The following USP54 variants were observed in gnomAD, a reference collection of about 807,000 sequenced individuals.
USP54 encodes ubiquitin carboxyl-terminal hydrolase 54.
Under a neutral mutation model 170.5 loss-of-function variants are expected in USP54, and 87 were observed. The ratio of observed to expected loss-of-function variants is 0.51; its 90% CI spans 0.43 to 0.61. The LOEUF is 0.61. Among genes scored for constraint, USP54 ranks in the 20% least tolerant of loss-of-function variants. USP54 has a pLI of 0.00. For missense variants in USP54, 1,786 were observed against 2,047.8 expected (o/e 0.87, Z 2.47); for synonymous variants, 655 against 742.8 (o/e 0.88, Z 1.92).
rs1217448133 is a variant in USP54, at chr10:73,523,876, ATTAT to A, written c.2195-130_2195-127del. The A allele has an allele frequency of 3.0e-5, 6 of 200,724 alleles. No homozygotes were observed. In the African/African-American group the frequency reaches 3.4e-4, roughly 11 times the overall value. 12.4% of individuals were successfully genotyped at this position (200,724 alleles called of 1,614,324 possible). On this transcript the variant is annotated intron_variant, in intron 16 of 23. Coordinates refer to ENST00000687698, the MANE Select transcript of USP54 (RefSeq NM_001391956.1). ...CTTTCAATTTGGAGTTTATTTATTT[ATTAT>A]TTATTATTATTATTATTATTATTAT...
Position 73,516,671 on chromosome 10 carries a change from G to A in USP54, c.3755C>T (p.Thr1252Ile), listed in dbSNP as rs1181523487. Residue 1252 changes from threonine to isoleucine, a missense_variant, in exon 20 of 24, where the codon ACT becomes ATT. By Grantham distance (89) the Thr-to-Ile change is moderately conservative. Transcript: ENST00000687698. ...CAAAGGCAAGGAAGTCCCCAAGTCA[G>A]TACTGCTGCCCAGATCCTTAGACCT... is the stretch of plus-strand genomic sequence containing the variant. ...DVRSKDLGSS[T>I]DLGTSLPLDS... 2.5e-6 allele frequency: 4 copies of A among 1,614,088 alleles called. No homozygotes were observed. Among genetic ancestry groups the A allele is most frequent in the Admixed American group, 3.3e-5 (2 of 60,008 alleles).
chr10:73,561,439 A>G (rs1262851833), intron 4 of USP54, among the ~76,000 whole-genome samples: 1 of 152,190 alleles, frequency 6.6e-6, no homozygotes, highest in African/African-American at 2.4e-5. Flanking sequence ...AGCCTGGACA[A>G]CATAGCAAGA....
intron 15 of USP54, 166 bp downstream of exon 15, chr10:73,529,514 T>C (rs1393367222): frequency 3.9e-6 from 3 of 761,444 alleles, no homozygotes; most frequent in Non-Finnish European, 6.9e-6. Context: ...CTCAAGTGCC[T>C]CTGTTCTTCC....
intron 22 of USP54, among the ~76,000 whole-genome samples, chr10:73,502,879 A>T (rs1462306572): frequency 6.6e-6 from 1 of 152,102 alleles, no homozygotes; most frequent in Non-Finnish European, 1.5e-5. Flanking sequence ...ACCTCCACTC[A>T]AGCTTAATAT....
intron 20 of USP54, among the ~76,000 whole-genome samples, chr10:73,510,699 T>A (rs1006966509): frequency 1.5e-4 from 23 of 152,274 alleles, no homozygotes; most frequent in Middle Eastern, 3.4e-3. Context: ...TCCATCCACT[T>A]TGGCCTCCCA....
At chr10:73,545,495 C>A in intron 5 of USP54, 43 bp downstream of exon 5, 1 of 1,604,156 alleles carries the variant, frequency 6.2e-7, no homozygotes, top group Non-Finnish European at 8.5e-7. Flanking sequence ...AGACCATCAG[C>A]AGTCCCACCC....
intron 1 of USP54, among the ~76,000 whole-genome samples, chr10:73,609,842 C>T (rs953454659): frequency 1.6e-5 from 1 of 63,856 alleles, no homozygotes; most frequent in African/African-American, 6.4e-5. Context: ...GATTCCGTCA[C>T]AAAAAAAAAA....
intron 17 of USP54, 59 bp downstream of exon 17, chr10:73,523,524 T>C: frequency 6.8e-7 from 1 of 1,469,418 alleles, no homozygotes; most frequent in Non-Finnish European, 9.1e-7. Flanking sequence ...GCTTAGATGT[T>C]TTTTTCTACC....
At chr10:73,553,536 A>G (rs2070156757) in intron 4 of USP54, among the ~76,000 whole-genome samples, 1 of 152,048 alleles carries the variant, frequency 6.6e-6, no homozygotes, top group Non-Finnish European at 1.5e-5. Flanking sequence ...CACCTTTCCC[A>G]GAGGGAGATC....
rs763148996 is a variant in USP54, at chr10:73,529,569, G to GATA, written c.2060+108_2060+110dup. 108 of 1,203,464 alleles carry GATA rather than the reference G, an allele frequency of 9.0e-5. No homozygotes were observed. The African/African-American group carries it at 1.5e-3, about 17-fold the overall frequency. 74.5% of individuals were successfully genotyped at this position (1,203,464 alleles called of 1,614,324 possible). On this transcript the variant is annotated intron_variant, in intron 15 of 23. Coordinates refer to ENST00000687698, the MANE Select transcript of USP54 (RefSeq NM_001391956.1). ...ATAGGAAGTTGAAAGAGCACATAGAGATAATAGCAAAGGCCATCCCTCCAC... is the reference window on the plus strand; with the variant it reads ...ATAGGAAGTTGAAAGAGCACATAGAGATAATAATAGCAAAGGCCATCCCTCCAC...
At chr10:73,582,555 C>T (rs879589207) in intron 1 of USP54, among the ~76,000 whole-genome samples, 2 of 152,154 alleles carry the variant, frequency 1.3e-5, no homozygotes, top group Non-Finnish European at 2.9e-5. Context: ...CCATGCCTGG[C>T]TATTTTTGTA....
intron 19 of USP54, chr10:73,519,149 A>C (rs1022790496): frequency 2.0e-5 from 3 of 153,542 alleles, no homozygotes; most frequent in Admixed American, 6.5e-5. Flanking sequence ...CCAAAAAAAA[A>C]AAAAAAAAAA....
At chr10:73,617,620 A>G (rs2080747748) in intron 1 of USP54, among the ~76,000 whole-genome samples, 1 of 150,354 alleles carries the variant, frequency 6.7e-6, no homozygotes, top group South Asian at 2.1e-4. Flanking sequence ...CCTTGAGTTC[A>G]GGAGTTCAAG....
At chr10:73,571,278 A>C (rs1188276421) in intron 4 of USP54, 143 bp downstream of exon 4, 14 of 668,166 alleles carry the variant, frequency 2.1e-5, no homozygotes. Context: ...CAAGCAAACA[A>C]ATCATATCCA....
intron 15 of USP54, 145 bp downstream of exon 15, chr10:73,529,528 AGAGGGTG>A: frequency 1.2e-6 from 1 of 819,296 alleles, no homozygotes; most frequent in Non-Finnish European, 2.1e-6. Flanking sequence ...TTCTTCCAGC[AGAGGGTG>A]CTGTTGTTAT....
chr10:73,529,706 G>T lies in USP54; in HGVS notation c.2034C>A (p.Ala678=). The change falls in exon 15 of 24, where the codon GCC becomes GCA. Residue 678 remains alanine (A), a synonymous_variant. Transcript: ENST00000687698. ...TGTAGACATTTGAGCTCTCAGGCAG[G>T]GCTGCATCCAGGCTGACAGGGCTGC... is the stretch of plus-strand genomic sequence containing the variant. ...NSSSPVSLDA[A]LPESSNVYRD... 1 of 1,614,000 alleles carries T rather than the reference G, an allele frequency of 6.2e-7. No homozygotes were observed. The highest frequency in any genetic ancestry group is 8.5e-7 in the Non-Finnish European group (1 of 1,179,916).
chr10:73,601,730 T>C (rs1342935401), intron 1 of USP54, among the ~76,000 whole-genome samples: 1 of 152,162 alleles, frequency 6.6e-6, no homozygotes, highest in East Asian at 1.9e-4. Context: ...CCACAACCTG[T>C]ACAACCACTT....
At chr10:73,544,746 C>T (rs1199551550) in intron 5 of USP54, among the ~76,000 whole-genome samples, 2 of 151,850 alleles carry the variant, frequency 1.3e-5, no homozygotes. Context: ...CAGAGTCTCA[C>T]TGTGTCACCC....
intron 20 of USP54, among the ~76,000 whole-genome samples, chr10:73,511,426 T>C (rs922677850): frequency 2.0e-5 from 3 of 152,020 alleles, no homozygotes; most frequent in Non-Finnish European, 4.4e-5. Flanking sequence ...TTTGGGAAGC[T>C]GAGGCAGGTG....
Sources: allele counts gnomAD v4.1 joint callset (sites outside exome capture counted in the v4.1 genomes callset), GRCh38; gene constraint gnomAD v4.1.1; transcripts MANE v1.5; gene names NCBI Gene and HGNC (gene_info 2026-07-23, HGNC 2026-07-21).